The following GRM7 variants were observed in gnomAD, a reference collection of about 807,000 sequenced individuals.
GRM7 encodes metabotropic glutamate receptor 7.
In GRM7, 35 loss-of-function variants were observed where a neutral mutation model predicts 84.5. The ratio of observed to expected loss-of-function variants is 0.41; its 90% confidence interval spans 0.32 to 0.55. GRM7 has a LOEUF of 0.55. GRM7 is among the 20% of genes least tolerant of loss of function. The pLI, the probability that GRM7 is intolerant of heterozygous loss-of-function variation, is 0.19. For synonymous variants in GRM7, 487 were observed against 455.1 expected (o/e 1.07, Z -0.89); for missense variants, 1,003 against 1,194.6 (o/e 0.84, Z 2.36).
chr3:7,290,653 G>T (rs1699588725), intron 2 of GRM7, among the ~76,000 whole-genome samples: 1 of 152,054 alleles, frequency 6.6e-6, no homozygotes, highest in African/African-American at 2.4e-5. Flanking sequence ...GTTTGTCTTA[G>T]GAAGTCTTGT....
chr3:7,388,797 TAATC>T (rs1694883004), intron 4 of GRM7, among the ~76,000 whole-genome samples: 1 of 152,100 alleles, frequency 6.6e-6, no homozygotes, highest in Non-Finnish European at 1.5e-5. Context: ...TTTTCTTTGT[TAATC>T]AGGCTATCAA....
chr3:7,391,711 TA>T (rs1042766016), intron 4 of GRM7, among the ~76,000 whole-genome samples: 1 of 143,434 alleles, frequency 7.0e-6, no homozygotes, highest in East Asian at 2.0e-4. Context: ...AGTATAATAA[TA>T]AAAAAATATA....
intron 1 of GRM7, among the ~76,000 whole-genome samples, chr3:6,980,895 A>G (rs11917649): frequency 0.021 from 3,159 of 152,322 alleles, 104 homozygotes; most frequent in African/African-American, 0.072. Context: ...ATCCCTCCTC[A>G]TAACCCATCC....
chr3:7,504,791 A>G (rs2124969534), intron 7 of GRM7, among the ~76,000 whole-genome samples: 1 of 152,334 alleles, frequency 6.6e-6, no homozygotes, highest in East Asian at 1.9e-4. Flanking sequence ...TTTGGAATAC[A>G]CATTTTAGCC....
chr3:7,424,580 T>C (rs1423798648), intron 5 of GRM7, among the ~76,000 whole-genome samples: 1 of 152,142 alleles, frequency 6.6e-6, no homozygotes. Flanking sequence ...TCTGAGAGTA[T>C]AGCTACCAAC....
chr3:7,210,534 A>G (rs558560363), intron 2 of GRM7, among the ~76,000 whole-genome samples: 54 of 152,356 alleles, frequency 3.5e-4, no homozygotes, highest in Non-Finnish European at 4.9e-4. Context: ...AGTGAAGAAA[A>G]GAAATGCCAA....
In GRM7 at chr3:7,052,176, A is replaced by T. The variant is rs185766482; in HGVS notation, c.520-94276A>T. On this transcript the variant is annotated intron_variant, in intron 1 of 9. Transcript: ENST00000357716. ...TGGACTGAAAATGTATTTATGAATCAGTGATTATCTGTCTTTGAGCTTGAT... is the reference window on the plus strand; with the variant it reads ...TGGACTGAAAATGTATTTATGAATCTGTGATTATCTGTCTTTGAGCTTGAT... Among the ~76,000 whole-genome samples, 242 of 151,858 alleles carry T rather than the reference A, an allele frequency of 1.6e-3. 1 individual carries two copies. The highest frequency in any genetic ancestry group is 5.5e-3 in the African/African-American group (229 of 41,542).
At chr3:7,115,835 G>T (rs188913454) in intron 1 of GRM7, among the ~76,000 whole-genome samples, 2 of 152,218 alleles carry the variant, frequency 1.3e-5, no homozygotes, top group Middle Eastern at 3.4e-3. Context: ...TGTGTCAGAG[G>T]GTTGAAATGA....
chr3:7,034,815 T>C (rs1696324633), intron 1 of GRM7, among the ~76,000 whole-genome samples: 1 of 152,196 alleles, frequency 6.6e-6, no homozygotes, highest in African/African-American at 2.4e-5. Context: ...TTCCTTGTCC[T>C]TCCAGACTCC....
At chr3:7,229,749 ATATATATATATTTTTT>A (rs1697115215) in intron 2 of GRM7, among the ~76,000 whole-genome samples, 1 of 33,598 alleles carries the variant, frequency 3.0e-5, no homozygotes, top group Non-Finnish European at 5.3e-5. Context: ...ATATATATAT[ATATATATATATTTTTT>A]TTTTTTTTTG....
intron 2 of GRM7, among the ~76,000 whole-genome samples, chr3:7,293,221 A>C (rs1284001866): frequency 6.6e-6 from 1 of 152,070 alleles, no homozygotes; most frequent in East Asian, 1.9e-4. Context: ...AATAATTCAT[A>C]ATCATTTGGG....
At chr3:7,183,490 G>A (rs1695413680) in intron 2 of GRM7, among the ~76,000 whole-genome samples, 1 of 152,140 alleles carries the variant, frequency 6.6e-6, no homozygotes, top group South Asian at 2.1e-4. Context: ...AGCAGGGCGT[G>A]GTGGTGCATG....
At chr3:7,010,252 C>T (rs1695325611) in intron 1 of GRM7, among the ~76,000 whole-genome samples, 2 of 152,060 alleles carry the variant, frequency 1.3e-5, no homozygotes, top group Non-Finnish European at 2.9e-5. Flanking sequence ...GGAGTTGGAA[C>T]CCAGCCTGGG....
chr3:7,490,694 T>C (rs1699487866), intron 7 of GRM7, among the ~76,000 whole-genome samples: 1 of 152,192 alleles, frequency 6.6e-6, no homozygotes, highest in Non-Finnish European at 1.5e-5. Context: ...ACGATCTATA[T>C]TTGTTTATAT....
intron 9 of GRM7, among the ~76,000 whole-genome samples, chr3:7,686,926 A>AAAAAGTATC (rs768680331): frequency 1.3e-5 from 2 of 152,214 alleles, no homozygotes; most frequent in African/African-American, 2.4e-5. Flanking sequence ...CACATTCCTA[A>AAAAAGTATC]AAAAGTATCC....
intron 7 of GRM7, chr3:7,535,323 G>C (rs974807185): frequency 1.3e-5 from 2 of 152,150 alleles, no homozygotes; most frequent in Admixed American, 6.6e-5. Context: ...AAAATAACAG[G>C]GTTTCATCTG....
intron 7 of GRM7, among the ~76,000 whole-genome samples, chr3:7,532,981 A>G (rs1016315845): frequency 7.9e-5 from 12 of 152,056 alleles, no homozygotes; most frequent in African/African-American, 2.7e-4. Flanking sequence ...CCAGTACAGG[A>G]GCACCCAGAT....
chr3:7,307,738 G>A (rs913017637), intron 4 of GRM7, among the ~76,000 whole-genome samples: 2 of 152,164 alleles, frequency 1.3e-5, no homozygotes, highest in Non-Finnish European at 2.9e-5. Flanking sequence ...ATTTGCAGAT[G>A]GGTTGCAAGA....
intron 8 of GRM7, among the ~76,000 whole-genome samples, chr3:7,627,981 G>T (rs760929806): frequency 1.3e-5 from 2 of 152,140 alleles, no homozygotes; most frequent in South Asian, 4.1e-4. Flanking sequence ...TATGAATTGT[G>T]TGAGAGACAA....
Sources: allele counts gnomAD v4.1 joint callset (sites outside exome capture counted in the v4.1 genomes callset), GRCh38; gene constraint gnomAD v4.1.1; transcripts MANE v1.5; gene names NCBI Gene and HGNC (gene_info 2026-07-23, HGNC 2026-07-21).